Variants in ADGRL2 observed in about 807,000 individuals in gnomAD.
The protein encoded by ADGRL2 is adhesion G protein-coupled receptor L2, also known as calcium-independent alpha-latrotoxin receptor 2.
ADGRL2 carries 44 observed loss-of-function variants against 157.4 expected under a neutral mutation model. That is an observed-to-expected ratio of 0.28 (90% CI 0.22 to 0.36). The LOEUF is 0.36. Ranked by LOEUF, ADGRL2 falls within the 10% of genes least tolerant of loss-of-function variation. ADGRL2 has a pLI of 1.00. For synonymous variants in ADGRL2, 585 were observed against 624.7 expected (o/e 0.94, Z 0.95); for missense variants, 1,510 against 1,768.9 (o/e 0.85, Z 2.63).
At chr1:81,389,416 A>T (rs1194859452) in intron 1 of ADGRL2, among the ~76,000 whole-genome samples, 1 of 152,212 alleles carries the variant, frequency 6.6e-6, no homozygotes, top group Non-Finnish European at 1.5e-5. Flanking sequence ...TAATGAAGGG[A>T]TGCATAGAAG....
At chr1:81,888,539 C>T (rs944044613) in intron 2 of ADGRL2, among the ~76,000 whole-genome samples, 5 of 152,164 alleles carry the variant, frequency 3.3e-5, no homozygotes, top group Admixed American at 2.0e-4. Context: ...CCTGGGTTCA[C>T]GCCATTCTCC....
At chr1:81,355,467 T>A (rs1663213855) in intron 1 of ADGRL2, among the ~76,000 whole-genome samples, 1 of 152,218 alleles carries the variant, frequency 6.6e-6, no homozygotes, top group African/African-American at 2.4e-5. Flanking sequence ...ATATATTCTA[T>A]ATATTTACTT....
chr1:81,848,525 C>T (rs745434177), intron 2 of ADGRL2, among the ~76,000 whole-genome samples: 1 of 151,846 alleles, frequency 6.6e-6, no homozygotes, highest in African/African-American at 2.4e-5. Flanking sequence ...CAGGCTGTTA[C>T]TCAAGAATAT....
chr1:81,874,675 A>C (rs1612916), intron 2 of ADGRL2, among the ~76,000 whole-genome samples: 5 of 114,266 alleles, frequency 4.4e-5, no homozygotes, highest in East Asian at 3.1e-4. Context: ...CTGTCCTGTC[A>C]TGTCTTGCCT....
In ADGRL2 at chr1:81,786,588, T is replaced by C. The variant is rs113825921; in HGVS notation, c.-101+24736T>C. Among the ~76,000 whole-genome samples the C allele has an allele frequency of 3.2e-3, 486 of 152,154 alleles. 2 individuals carry two copies. The highest frequency in any genetic ancestry group is 0.011 in the African/African-American group (467 of 41,522). ...GAGACTATGTCTCAATAAATGTAAA[T>C]AAATAAATAAAAATAAAATTTAGAA... On this transcript the variant is annotated intron_variant, in intron 2 of 20. Transcript: ENST00000359929.
At chr1:81,426,584 C>A in intron 1 of ADGRL2, 1 of 471,040 alleles carries the variant, frequency 2.1e-6, no homozygotes, top group South Asian at 1.5e-5. Context: ...GTGTTCTGAG[C>A]TTTGAAACGA....
intron 2 of ADGRL2, among the ~76,000 whole-genome samples, chr1:81,905,945 A>AGAGT (rs1330780329): frequency 7.9e-6 from 1 of 125,830 alleles, no homozygotes; most frequent in Non-Finnish European, 1.6e-5. Flanking sequence ...AGAAAAAAGC[A>AGAGT]GAGTGTGTGT....
At chr1:81,920,445 G>T (rs1484658806) in intron 3 of ADGRL2, among the ~76,000 whole-genome samples, 1 of 152,144 alleles carries the variant, frequency 6.6e-6, no homozygotes, top group East Asian at 1.9e-4. Context: ...CAAGAGAGTT[G>T]CCTGCTGATG....
chr1:81,467,448 A>G (rs951233901), intron 2 of ADGRL2, among the ~76,000 whole-genome samples: 1 of 152,204 alleles, frequency 6.6e-6, no homozygotes, highest in Non-Finnish European at 1.5e-5. Context: ...CGAAAGCCAA[A>G]AGCACTAACC....
chr1:81,928,431 A>G (rs544824072), intron 3 of ADGRL2, among the ~76,000 whole-genome samples: 30 of 152,102 alleles, frequency 2.0e-4, no homozygotes, highest in Non-Finnish European at 4.1e-4. Context: ...TCATTATTTA[A>G]TTTTTTCAAA....
intron 1 of ADGRL2, among the ~76,000 whole-genome samples, chr1:81,823,143 T>G (rs1464954664): frequency 3.3e-5 from 5 of 152,000 alleles, no homozygotes; most frequent in African/African-American, 9.7e-5. Flanking sequence ...TTTTTTAATT[T>G]AACTTTCTTA....
At chr1:81,585,651 C>G (rs977961345) in intron 3 of ADGRL2, among the ~76,000 whole-genome samples, 8 of 152,200 alleles carry the variant, frequency 5.3e-5, no homozygotes, top group African/African-American at 1.9e-4. Flanking sequence ...GTAGCTGACT[C>G]TGAGAAAACA....
intron 1 of ADGRL2, among the ~76,000 whole-genome samples, chr1:81,335,653 C>A (rs1008795284): frequency 1.5e-4 from 23 of 152,122 alleles, no homozygotes; most frequent in African/African-American, 5.6e-4. Context: ...TTCCCCACAA[C>A]TCCATTTTCC....
chr1:81,322,113 C>CAT lies in ADGRL2; in HGVS notation c.-302+15614_-302+15615dup, dbSNP rs1345847160. 6.7e-4 allele frequency among the ~76,000 whole-genome samples: 75 copies of CAT among 112,106 alleles called. 2 individuals carry two copies. Among genetic ancestry groups the CAT allele is most frequent in the African/African-American group, 2.4e-3 (67 of 28,130 alleles). 73.5% of individuals were successfully genotyped at this position (112,106 alleles called of 152,430 possible). ...ATATATATATATATATATATATACACATATATATATACACACACACACGTA... is the reference window on the plus strand; with the variant it reads ...ATATATATATATATATATATATACACATATATATATATACACACACACACGTA... On this transcript the variant is annotated intron_variant, in intron 1 of 24. Coordinates refer to the ADGRL2 transcript ENST00000370721.
chr1:81,860,029 C>G (rs2150745437), intron 2 of ADGRL2, among the ~76,000 whole-genome samples: 1 of 151,970 alleles, frequency 6.6e-6, no homozygotes, highest in Non-Finnish European at 1.5e-5. Flanking sequence ...TCCAGACCAG[C>G]TTGGCCAACA....
chr1:81,555,030 G>T (rs1015332001), intron 2 of ADGRL2, among the ~76,000 whole-genome samples: 5 of 151,930 alleles, frequency 3.3e-5, no homozygotes, highest in Admixed American at 2.0e-4. Context: ...GTGCTGGGAG[G>T]CTCCAGGGAA....
At chr1:81,900,985 G>A (rs1177627938) in intron 2 of ADGRL2, among the ~76,000 whole-genome samples, 7 of 152,160 alleles carry the variant, frequency 4.6e-5, no homozygotes, top group Admixed American at 1.3e-4. Flanking sequence ...CACTGTGAGG[G>A]CAGAGATTCT....
chr1:81,321,688 TG>T (rs1660511117), intron 1 of ADGRL2, among the ~76,000 whole-genome samples: 1 of 152,144 alleles, frequency 6.6e-6, no homozygotes, highest in Non-Finnish European at 1.5e-5. Context: ...ATGTGGCTCA[TG>T]GTGTTCCTGA....
chr1:81,323,973 T>C (rs1660708803), intron 1 of ADGRL2, among the ~76,000 whole-genome samples: 1 of 152,196 alleles, frequency 6.6e-6, no homozygotes, highest in Non-Finnish European at 1.5e-5. Flanking sequence ...GAAGCTACGT[T>C]CAGGCTAGGC....
Sources: gnomAD v4.1 joint callset for allele counts (sites outside exome capture counted in the v4.1 genomes callset) on GRCh38, gnomAD v4.1.1 for gene constraint, MANE v1.5 for transcripts, NCBI Gene and HGNC (gene_info 2026-07-23, HGNC 2026-07-21) for gene names.